SGPP2: variants seen among roughly 807,000 people sequenced by gnomAD.
The protein encoded by SGPP2 is sphingosine 1-phosphate phosphohydrolase 2.
In SGPP2, 30 loss-of-function variants were observed where a neutral mutation model predicts 33.9. The ratio of observed to expected loss-of-function variants is 0.89; its 90% confidence interval spans 0.66 to 1.20. The LOEUF (loss-of-function observed/expected upper bound fraction) is 1.20, where lower values mean the gene tolerates loss of function less well. Ranked by LOEUF, SGPP2 falls within the 50% of genes most tolerant of loss-of-function variation. The pLI, the probability that SGPP2 is intolerant of heterozygous loss-of-function variation, is 0.00. For missense variants in SGPP2, 458 were observed against 532.1 expected (o/e 0.86, Z 1.37); for synonymous variants, 233 against 225.0 (o/e 1.04, Z -0.32).
At chr2:222,461,754 G>A (rs1475784269) in intron 1 of SGPP2, among the ~76,000 whole-genome samples, 1 of 152,068 alleles carries the variant, frequency 6.6e-6, no homozygotes, top group East Asian at 1.9e-4. Flanking sequence ...GACAGGAGGT[G>A]GAGCACAAGT....
At chr2:222,510,181 A>G (rs1698504486) in intron 2 of SGPP2, among the ~76,000 whole-genome samples, 1 of 152,242 alleles carries the variant, frequency 6.6e-6, no homozygotes, top group Non-Finnish European at 1.5e-5. Context: ...AAATGCTAAC[A>G]ACATTTACAT....
rs1321230783 is a variant in SGPP2 at position 222,562,407 on chromosome 2, T to C, written c.*3509T>C. Among the ~76,000 whole-genome samples, 1 of 152,164 alleles carries C rather than the reference T, an allele frequency of 6.6e-6. No homozygotes were observed. Among genetic ancestry groups the C allele is most frequent in the Non-Finnish European group, 1.5e-5 (1 of 68,040 alleles). On this transcript the variant is annotated 3_prime_UTR_variant, in exon 5 of 5. Coordinates refer to ENST00000321276, the MANE Select transcript of SGPP2 (RefSeq NM_152386.4). ...CAGTGGCTGGAATTACTCCAAAACG[T>C]GCCCAGTGATCGCACTGTAACATGG...
chr2:222,473,629 A>G (rs1429418945), intron 1 of SGPP2, among the ~76,000 whole-genome samples: 1 of 152,192 alleles, frequency 6.6e-6, no homozygotes, highest in East Asian at 1.9e-4. Context: ...ACAGTTAAGA[A>G]TATGTTATTG....
intron 4 of SGPP2, among the ~76,000 whole-genome samples, chr2:222,557,024 G>A (rs1026292002): frequency 6.6e-6 from 1 of 151,888 alleles, no homozygotes. Context: ...ACCCAGTCAT[G>A]TTGCTACCCA....
chr2:222,485,298 T>C (rs1378953395), intron 2 of SGPP2, among the ~76,000 whole-genome samples: 2 of 152,206 alleles, frequency 1.3e-5, no homozygotes, highest in Admixed American at 6.5e-5. Flanking sequence ...ACAGCAGCCA[T>C]ATGTCACAGA....
rs552763223 is a variant in SGPP2 at position 222,481,235 on chromosome 2, G to A, written c.378+6509G>A. On this transcript the variant is annotated intron_variant, in intron 2 of 4. Transcript: ENST00000321276. ...CCTGCATATCCTGCACGTGTACCCC[G>A]ACCTTAAAATAAAAATTGAAATAAA... is the stretch of plus-strand genomic sequence containing the variant. Among the ~76,000 whole-genome samples the A allele has an allele frequency of 4.6e-5, 7 of 152,094 alleles. No homozygotes were observed. The East Asian group carries it at 7.7e-4, about 17-fold the overall frequency.
intron 1 of SGPP2, among the ~76,000 whole-genome samples, chr2:222,428,671 C>A (rs74794171): frequency 0.021 from 3,236 of 152,126 alleles, 111 homozygotes; most frequent in African/African-American, 0.066. Context: ...ATACTACATC[C>A]TGGAAACCAG....
chr2:222,473,924 C>CAAAAAAAAA (rs59649395), intron 1 of SGPP2, among the ~76,000 whole-genome samples: 66 of 127,446 alleles, frequency 5.2e-4, no homozygotes, highest in Middle Eastern at 4.2e-3. Flanking sequence ...AACTCTGTCT[C>CAAAAAAAAA]AAAAAAAAAA....
intron 1 of SGPP2, among the ~76,000 whole-genome samples, chr2:222,454,616 G>A (rs1697543057): frequency 6.6e-6 from 1 of 152,090 alleles, no homozygotes; most frequent in Admixed American, 6.6e-5. Flanking sequence ...TTCCTGGATA[G>A]CTGAGCTTCT....
chr2:222,512,705 A>T (rs927266855), intron 2 of SGPP2, among the ~76,000 whole-genome samples: 2 of 152,076 alleles, frequency 1.3e-5, no homozygotes, highest in Admixed American at 6.6e-5. Flanking sequence ...CTTTTCTAGA[A>T]TGTCATATAG....
At chr2:222,547,001 A>G (rs575809028) in intron 4 of SGPP2, among the ~76,000 whole-genome samples, 1 of 152,292 alleles carries the variant, frequency 6.6e-6, no homozygotes, top group Non-Finnish European at 1.5e-5. Context: ...CTACTGAATT[A>G]GAACCTGCAT....
chr2:222,531,377 A>G (rs140056793), intron 4 of SGPP2, among the ~76,000 whole-genome samples: 52 of 152,328 alleles, frequency 3.4e-4, no homozygotes, highest in African/African-American at 1.2e-3. Context: ...CTGCTACAAC[A>G]TGGATGAGCC....
chr2:222,454,954 G>A (rs1178589790), intron 1 of SGPP2, among the ~76,000 whole-genome samples: 2 of 152,098 alleles, frequency 1.3e-5, no homozygotes, highest in Non-Finnish European at 2.9e-5. Flanking sequence ...CTTACTGCGT[G>A]GTGGGCAGAA....
intron 1 of SGPP2, among the ~76,000 whole-genome samples, chr2:222,425,269 A>AG (rs1697046581): frequency 6.8e-6 from 1 of 147,956 alleles, no homozygotes; most frequent in East Asian, 2.0e-4. Context: ...AGCCGGGCTC[A>AG]GCGCGCTCCT....
intron 1 of SGPP2, among the ~76,000 whole-genome samples, chr2:222,435,919 T>G (rs13413495): frequency 0.19 from 28,484 of 152,142 alleles, 2,688 homozygotes; most frequent in Middle Eastern, 0.25. Context: ...GTAGAGTGAT[T>G]CAAACCTTCA....
intron 2 of SGPP2, among the ~76,000 whole-genome samples, chr2:222,511,530 A>C (rs1698527988): frequency 6.6e-6 from 1 of 152,196 alleles, no homozygotes; most frequent in South Asian, 2.1e-4. Flanking sequence ...AACCCAAAGA[A>C]GTATGATGGA....
intron 2 of SGPP2, among the ~76,000 whole-genome samples, chr2:222,482,265 C>T (rs1440357856): frequency 6.6e-6 from 1 of 152,164 alleles, no homozygotes; most frequent in Non-Finnish European, 1.5e-5. Flanking sequence ...AATCTAAGAA[C>T]CAGAAGCTCA....
chr2:222,534,299 T>C (rs545219664), intron 4 of SGPP2, among the ~76,000 whole-genome samples: 1 of 152,232 alleles, frequency 6.6e-6, no homozygotes, highest in Non-Finnish European at 1.5e-5. Context: ...AGAATTTTTG[T>C]TGTTAGCGAA....
intron 2 of SGPP2, among the ~76,000 whole-genome samples, chr2:222,512,054 G>T (rs749166790): frequency 1.3e-5 from 2 of 150,586 alleles, no homozygotes; most frequent in African/African-American, 4.9e-5. Context: ...TTGCTCTGTC[G>T]CCCAGGCTGG....
Sources: gnomAD v4.1 joint callset for allele counts (sites outside exome capture counted in the v4.1 genomes callset) on GRCh38, gnomAD v4.1.1 for gene constraint, MANE v1.5 for transcripts, NCBI Gene and HGNC (gene_info 2026-07-23, HGNC 2026-07-21) for gene names.